The following UTP20 variants were observed in gnomAD, a reference collection of about 807,000 sequenced individuals.
The protein encoded by UTP20 is small subunit processome component 20 homolog.
In UTP20, 164 loss-of-function variants were observed where a neutral mutation model predicts 329.5. The observed-to-expected ratio is 0.50, with a 90% CI of 0.44 to 0.57. The LOEUF (loss-of-function observed/expected upper bound fraction) is 0.57, where lower values mean the gene tolerates loss of function less well. Among genes scored for constraint, UTP20 ranks in the 20% least tolerant of loss-of-function variants. UTP20 has a pLI of 0.00. For synonymous variants in UTP20, 1,151 were observed against 1,159.3 expected (o/e 0.99, Z 0.14); for missense variants, 3,055 against 3,284.2 (o/e 0.93, Z 1.71).
intron 59 of UTP20, 73 bp from the exon 60 acceptor site, chr12:101,383,470 C>T (rs1383789131): frequency 6.4e-7 from 1 of 1,554,348 alleles, no homozygotes. Context: ...CCTGTTTTCT[C>T]AATTAATGCT....
intron 15 of UTP20, among the ~76,000 whole-genome samples, chr12:101,304,766 T>C (rs1872609248): frequency 6.6e-6 from 1 of 152,220 alleles, no homozygotes; most frequent in African/African-American, 2.4e-5. Context: ...GTAGTGCTAC[T>C]GTAGAGAAAC....
At chr12:101,333,006 AG>A (rs1449851723) in intron 27 of UTP20, among the ~76,000 whole-genome samples, 5 of 152,244 alleles carry the variant, frequency 3.3e-5, no homozygotes, top group African/African-American at 1.2e-4. Flanking sequence ...TGAATGAAAA[AG>A]TAAAACAATA....
In UTP20 at chr12:101,371,043, C is replaced by G. The variant is rs368192237; in HGVS notation, c.6688-15C>G. On this transcript the variant is annotated splice_polypyrimidine_tract_variant and intron_variant, in intron 50 of 61. Coordinates refer to ENST00000261637, the MANE Select transcript of UTP20 (RefSeq NM_014503.3). ...AACACATGAAATGAGTATGTCTTTT[C>G]CTTTTGTATCTTAGGCAATTTTATC... 29 of 1,611,628 alleles carry G rather than the reference C, an allele frequency of 1.8e-5. No individual in the cohort carries two copies. Among genetic ancestry groups the G allele is most frequent in the Admixed American group, 1.0e-4 (6 of 59,764 alleles).
In UTP20 at chr12:101,327,129, G is replaced by A; in HGVS notation, c.3090G>A (p.Gly1030=). 1 of 1,612,926 alleles carries A rather than the reference G, an allele frequency of 6.2e-7. No homozygotes were observed. Among genetic ancestry groups the A allele is most frequent in the Non-Finnish European group, 8.5e-7 (1 of 1,179,008 alleles). The change falls in exon 26 of 62, where the codon GGG becomes GGA. Residue 1030 remains glycine (G), a synonymous_variant. Coordinates refer to ENST00000261637, the MANE Select transcript of UTP20 (RefSeq NM_014503.3). ...ATAAGACTGGGAGTAAAACTCAGGG[G>A]AAATCTGCTTCAGGCACCCGCATGG... ...MKNKTGSKTQ[G]KSASGTRMAI...
Position 101,289,249 on chromosome 12 carries a change from C to T in UTP20, c.597+208C>T, listed in dbSNP as rs1237313401. The stretch of plus-strand genomic sequence containing the variant: ...AAAATTAGCTGGGCGTGGTGGCGCG[C>T]ACCTGTATCCTCAGCTACTTGGGAG... On this transcript the variant is annotated intron_variant, in intron 6 of 61. Coordinates refer to ENST00000261637, the MANE Select transcript of UTP20 (RefSeq NM_014503.3). Among the ~76,000 whole-genome samples the T allele has an allele frequency of 1.1e-4, 16 of 151,952 alleles. 1 individual carries two copies. Among genetic ancestry groups the T allele is most frequent in the Admixed American group, 1.0e-3 (16 of 15,254 alleles).
In UTP20 at chr12:101,352,177, T is replaced by C; in HGVS notation, c.5007T>C (p.Asn1669=). ...ATGTCTTACAAACGGGACAGATCAA[T>C]CAAAAACTGGGTGTCAGGTGTGGTC... is the stretch of plus-strand genomic sequence containing the variant. ...FIHVLQTGQI[N]QKLGVSLLVI... is the part of the protein sequence containing the mutation. The change falls in exon 39 of 62, where the codon AAT becomes AAC. Residue 1669 remains asparagine (N), a synonymous_variant. Transcript: ENST00000261637. 1 of 1,606,688 alleles carries C rather than the reference T, an allele frequency of 6.2e-7. No individual in the cohort carries two copies.
intron 60 of UTP20, among the ~76,000 whole-genome samples, chr12:101,385,335 G>A (rs536055632): frequency 1.3e-5 from 2 of 152,254 alleles, no homozygotes; most frequent in Admixed American, 1.3e-4. Flanking sequence ...TGAGGTGGTG[G>A]CTGGAGTGCT....
intron 38 of UTP20, among the ~76,000 whole-genome samples, chr12:101,348,017 TG>T (rs1174296535): frequency 6.6e-6 from 1 of 152,132 alleles, no homozygotes; most frequent in African/African-American, 2.4e-5. Context: ...TTAGTAAAGA[TG>T]GGGTTTTGCC....
chr12:101,351,445 C>T (rs1252728124), intron 38 of UTP20, among the ~76,000 whole-genome samples: 2 of 150,994 alleles, frequency 1.3e-5, no homozygotes, highest in Admixed American at 6.6e-5. Flanking sequence ...ATTTTGCCTG[C>T]TTTTCTAGTT....
chr12:101,355,200 T>C, intron 41 of UTP20, 82 bp downstream of exon 41: 1 of 1,456,584 alleles, frequency 6.9e-7, no homozygotes, highest in South Asian at 1.3e-5. Context: ...CTCTTGGTGA[T>C]TATTGATTGA....
In UTP20 at chr12:101,355,130, A is replaced by T. The variant is rs751560657; in HGVS notation, c.5394+12A>T. On this transcript the variant is annotated intron_variant, in intron 41 of 61. Transcript: ENST00000261637. ...GCCTTGCATCTACGGTAATAAATTTATTCGGGGTCCAGCAGGTCTGTGTGA... is the reference window on the plus strand; with the variant it reads ...GCCTTGCATCTACGGTAATAAATTTTTTCGGGGTCCAGCAGGTCTGTGTGA... 2 of 1,608,256 alleles carry T rather than the reference A, an allele frequency of 1.2e-6. No homozygotes were observed. Among genetic ancestry groups the T allele is most frequent in the South Asian group, 1.1e-5 (1 of 90,282 alleles).
At chr12:101,294,171 G>T (rs1003309529) in intron 11 of UTP20, among the ~76,000 whole-genome samples, 2 of 152,048 alleles carry the variant, frequency 1.3e-5, no homozygotes, top group Admixed American at 6.6e-5. Context: ...AAGTAGCTGG[G>T]ACTACAGGCA....
chr12:101,303,927 A>G (rs747806775), intron 15 of UTP20, among the ~76,000 whole-genome samples: 4 of 152,240 alleles, frequency 2.6e-5, no homozygotes, highest in African/African-American at 4.8e-5. Flanking sequence ...CACATTTACC[A>G]TATTACATAG....
At chr12:101,317,894 G>A (rs116082318) in intron 22 of UTP20, among the ~76,000 whole-genome samples, 345 of 152,248 alleles carry the variant, frequency 2.3e-3, no homozygotes, top group African/African-American at 7.6e-3. Flanking sequence ...GGGGACTTTT[G>A]AGAGTCATCT....
chr12:101,318,777 G>A (rs1156810545), intron 22 of UTP20, among the ~76,000 whole-genome samples: 1 of 148,826 alleles, frequency 6.7e-6, no homozygotes, highest in Admixed American at 6.8e-5. Context: ...GTTGCTGTGA[G>A]CCGTGGTTGT....
chr12:101,381,195 A>G lies in UTP20; in HGVS notation c.7640A>G (p.Gln2547Arg). 2.5e-6 allele frequency: 4 copies of G among 1,613,626 alleles called. No homozygotes were observed. The highest frequency in any genetic ancestry group is 3.4e-6 in the Non-Finnish European group (4 of 1,179,484). Residue 2547 changes from glutamine (Q) to arginine (R), a missense_variant, in exon 58 of 62, where the codon CAG (glutamine) becomes CGG (arginine). By Grantham distance (43) the Gln-to-Arg change is conservative. Transcript: ENST00000261637. ...CAATTGCATTCCAAATTCTTGGATC[A>G]GTCTCTAGGAGAACAGGTAAGAATT... ...CHQLHSKFLD[Q>R]SLGEQVVKNL...
intron 26 of UTP20, among the ~76,000 whole-genome samples, chr12:101,327,603 G>A (rs535009103): frequency 1.9e-4 from 29 of 152,166 alleles, no homozygotes; most frequent in African/African-American, 6.5e-4. Flanking sequence ...TAATTGTTTG[G>A]CATTTATTCA....
chr12:101,363,732 C>T lies in UTP20; in HGVS notation c.5947C>T (p.Pro1983Ser), dbSNP rs1361206414. 3 of 1,599,668 alleles carry T rather than the reference C, an allele frequency of 1.9e-6. No individual in the cohort carries two copies. Among genetic ancestry groups the T allele is most frequent in the Non-Finnish European group, 2.6e-6 (3 of 1,167,054 alleles). ...AGATCAGGTTACAAAACTCATCCTT[C>T]CATTAAAAGAGGTAAGGACGTAAAT... The part of the protein sequence containing the change: ...GKDQVTKLIL[P>S]LKEILQNTTS... Residue 1983 changes from proline to serine, a missense_variant, in exon 45 of 62, where the codon CCA (proline) becomes TCA (serine). By Grantham distance (74) the Pro-to-Ser change is moderately conservative (BLOSUM62 -1). Transcript: ENST00000261637.
intron 12 of UTP20, among the ~76,000 whole-genome samples, chr12:101,297,255 A>G (rs10860706): frequency 0.51 from 77,761 of 151,922 alleles, 20,973 homozygotes; most frequent in East Asian, 0.94. Context: ...TTGCTCTGTC[A>G]CCCAGGCCGG....
Sources: gnomAD v4.1 joint callset for allele counts (sites outside exome capture counted in the v4.1 genomes callset) on GRCh38, gnomAD v4.1.1 for gene constraint, MANE v1.5 for transcripts, NCBI Gene and HGNC (gene_info 2026-07-23, HGNC 2026-07-21) for gene names.